The following FGD5 variants were observed in gnomAD, a reference collection of about 807,000 sequenced individuals.
The protein encoded by FGD5 is FYVE, RhoGEF and PH domain containing 5.
FGD5 carries 28 observed loss-of-function variants against 133.4 expected under a neutral mutation model. The observed-to-expected ratio is 0.21, with a 90% CI of 0.16 to 0.29. The LOEUF (loss-of-function observed/expected upper bound fraction) is 0.29. Among genes scored for constraint, FGD5 ranks in the 10% least tolerant of loss-of-function variants. FGD5 has a pLI of 1.00. For synonymous variants in FGD5, 810 were observed against 776.5 expected (o/e 1.04, Z -0.72); for missense variants, 1,858 against 1,895.2 (o/e 0.98, Z 0.36).
intron 18 of FGD5, among the ~76,000 whole-genome samples, chr3:14,926,906 G>A (rs2038814188): frequency 6.6e-6 from 1 of 152,162 alleles, no homozygotes; most frequent in Non-Finnish European, 1.5e-5. Context: ...GAGGGTGGGT[G>A]CTTTGCTCCA....
At chr3:14,847,563 C>G (rs996380285) in intron 1 of FGD5, among the ~76,000 whole-genome samples, 1 of 152,186 alleles carries the variant, frequency 6.6e-6, no homozygotes, top group Non-Finnish European at 1.5e-5. Flanking sequence ...AGTATGTTCT[C>G]GTTGTTTTGT....
At position 14,907,697 on chromosome 3, in the gene FGD5, C is replaced by T. The variant is rs767029168; in HGVS notation, c.3322C>T (p.Leu1108Phe). 1.7e-5 allele frequency: 27 copies of T among 1,613,598 alleles called. No homozygotes were observed. Among genetic ancestry groups the T allele is most frequent in the Non-Finnish European group, 2.3e-5 (27 of 1,179,748 alleles). Residue 1108 changes from leucine to phenylalanine, a missense_variant, in exon 10 of 20, where the codon CTC (leucine) becomes TTC (phenylalanine). Leu to Phe is a conservative substitution (Grantham distance 22, BLOSUM62 0). This residue lies in a region of FGD5 where 1,824 missense variants were observed against 1,848.9 expected (regional missense o/e 0.99). Transcript: ENST00000285046. ...EHSVRGQGDL[L>F]QPGREFLKEG... ...CAGCGTCCGGGGCCAAGGGGATCTC[C>T]TCCAGCCAGGAAGGGTGAGTGCCGC...
chr3:14,824,133 C>A (rs570996408), intron 1 of FGD5, among the ~76,000 whole-genome samples: 4 of 152,338 alleles, frequency 2.6e-5, no homozygotes, highest in Middle Eastern at 6.8e-3. Flanking sequence ...ATACAGGAAC[C>A]ACATCCTCTT....
chr3:14,883,061 C>T (rs950802957), intron 4 of FGD5, among the ~76,000 whole-genome samples: 7 of 152,200 alleles, frequency 4.6e-5, no homozygotes, highest in African/African-American at 1.2e-4. Flanking sequence ...TTGTTGGGGG[C>T]GCGGAGTGGC....
At chr3:14,824,025 G>T (rs959837061) in intron 1 of FGD5, among the ~76,000 whole-genome samples, 9 of 152,220 alleles carry the variant, frequency 5.9e-5, no homozygotes, top group Non-Finnish European at 1.3e-4. Context: ...TAGGGCCTTG[G>T]TTGAGTGTCT....
chr3:14,893,115 A>G (rs1044557741), intron 4 of FGD5, among the ~76,000 whole-genome samples: 1 of 152,242 alleles, frequency 6.6e-6, no homozygotes, highest in Admixed American at 6.5e-5. Flanking sequence ...GAGCAAATGT[A>G]TTTGAAGATA....
chr3:14,870,302 G>A (rs1020110148), intron 2 of FGD5, among the ~76,000 whole-genome samples: 5 of 152,254 alleles, frequency 3.3e-5, no homozygotes, highest in South Asian at 2.1e-4. Flanking sequence ...GAAGGGGAGC[G>A]GGAGCTGGAG....
At chr3:14,850,202 G>A (rs1687531622) in intron 1 of FGD5, among the ~76,000 whole-genome samples, 3 of 152,150 alleles carry the variant, frequency 2.0e-5, no homozygotes, top group Admixed American at 2.0e-4. Context: ...CTCCTGCTTT[G>A]GGCTGGAGTT....
intron 9 of FGD5, among the ~76,000 whole-genome samples, chr3:14,901,436 T>A (rs1157854663): frequency 6.6e-6 from 1 of 152,196 alleles, no homozygotes; most frequent in Non-Finnish European, 1.5e-5. Flanking sequence ...CCTGGGTAAA[T>A]GTTAGGACCA....
chr3:14,853,783 A>G (rs1193260183), intron 1 of FGD5, among the ~76,000 whole-genome samples: 1 of 144,720 alleles, frequency 6.9e-6, no homozygotes, highest in Non-Finnish European at 1.5e-5. Context: ...CACAGCGTTC[A>G]TCTCCCCACG....
rs74429246 is a variant in FGD5, at chr3:14,866,357, G to A, written c.2658+2097G>A. ...ACAGAGGGGGAGTATGGAAAGAGAG[G>A]GCCTGTCCTGCTCAGAACCATTCTA... On this transcript the variant is annotated intron_variant, in intron 2 of 19. Transcript: ENST00000285046. 6.6e-5 allele frequency among the ~76,000 whole-genome samples: 10 copies of A among 152,184 alleles called. No homozygotes were observed. In the East Asian group the frequency reaches 1.9e-3, roughly 29 times the overall value.
At chr3:14,861,937 T>A (rs2037405330) in intron 1 of FGD5, among the ~76,000 whole-genome samples, 1 of 152,104 alleles carries the variant, frequency 6.6e-6, no homozygotes, top group Non-Finnish European at 1.5e-5. Flanking sequence ...GAGAACAGAT[T>A]GGGTGACAGC....
intron 1 of FGD5, among the ~76,000 whole-genome samples, chr3:14,838,346 T>A (rs11128720): frequency 0.093 from 14,143 of 152,246 alleles, 832 homozygotes; most frequent in East Asian, 0.24. Flanking sequence ...CCAAGGGTAA[T>A]CTCCACGTTA....
rs186730445 is a variant in FGD5 at position 14,933,437 on chromosome 3, G to T, written c.*270G>T. On this transcript the variant is annotated 3_prime_UTR_variant, in exon 20 of 20. Transcript: ENST00000285046. ...CAGTAATAAACTATTTCCTTACCCC[G>T]CAGTGAGTTAAAATTTAGTAAGATG... The T allele has an allele frequency of 1.0e-3, 440 of 431,636 alleles. 1 individual carries two copies. Among genetic ancestry groups the T allele is most frequent in the African/African-American group, 8.2e-3 (415 of 50,470 alleles). The allele number at this position is 431,636 out of a possible 1,614,324, so 26.7% of individuals were successfully genotyped here.
intron 10 of FGD5, among the ~76,000 whole-genome samples, chr3:14,908,976 T>TCATTCATC (rs1246050123): frequency 6.8e-6 from 1 of 147,530 alleles, no homozygotes; most frequent in African/African-American, 2.4e-5. Context: ...ATTCATCCAT[T>TCATTCATC]CATTCATTCA....
chr3:14,932,540 G>GGT (rs1197473024), intron 18 of FGD5, 37 bp from the exon 19 acceptor site: 3 of 1,598,896 alleles, frequency 1.9e-6, no homozygotes, highest in Non-Finnish European at 2.6e-6. Context: ...TGCAGAGTGT[G>GGT]GTGTTTAATG....
chr3:14,885,281 G>A (rs945543283), intron 4 of FGD5, among the ~76,000 whole-genome samples: 6 of 151,390 alleles, frequency 4.0e-5, no homozygotes, highest in African/African-American at 1.5e-4. Context: ...TATTTATTAG[G>A]CAAAACAGAT....
At chr3:14,857,091 T>A (rs887289780) in intron 1 of FGD5, among the ~76,000 whole-genome samples, 5 of 152,186 alleles carry the variant, frequency 3.3e-5, no homozygotes, top group African/African-American at 1.2e-4. Flanking sequence ...CGAAGGGATG[T>A]TGAATATTAT....
rs1166970685 is a variant in FGD5 at position 14,922,619 on chromosome 3, CG to C, written c.3807+76del. 52 of 1,378,008 alleles carry C rather than the reference CG, an allele frequency of 3.8e-5. No homozygotes were observed. The South Asian group carries it at 6.2e-4, about 16-fold the overall frequency. The allele number at this position is 1,378,008 out of a possible 1,614,324, so 85.4% of individuals were successfully genotyped here. ...GGGGAAGGGCATGTCCCTGCCCAGCCGGGGGCTCAGGGATGTCCAGCAGCTA... is the reference window on the plus strand; with the variant it reads ...GGGGAAGGGCATGTCCCTGCCCAGCCGGGGCTCAGGGATGTCCAGCAGCTA... On this transcript the variant is annotated intron_variant, in intron 15 of 19. Coordinates refer to ENST00000285046, the MANE Select transcript of FGD5 (RefSeq NM_152536.4). The surrounding 1 kb of genome is among the most constrained non-coding windows in gnomAD (Gnocchi z 4.1).
Sources: allele counts gnomAD v4.1 joint callset (sites outside exome capture counted in the v4.1 genomes callset), GRCh38; gene constraint gnomAD v4.1.1; regional missense constraint gnomAD v4.1.1; non-coding constraint Gnocchi (gnomAD v3.1); transcripts MANE v1.5; gene names NCBI Gene and HGNC (gene_info 2026-07-23, HGNC 2026-07-21).